The following TTBK2 variants were observed in gnomAD, a reference collection of about 807,000 sequenced individuals.
TTBK2 encodes the protein tau tubulin kinase 2, also known as tau-tubulin kinase 2.
TTBK2 carries 28 observed loss-of-function variants against 110.8 expected under a neutral mutation model. The ratio of observed to expected loss-of-function variants is 0.25; its 90% CI spans 0.19 to 0.35. The LOEUF is 0.35. TTBK2 is among the 10% of genes least tolerant of loss of function. TTBK2 has a pLI of 1.00. For missense variants in TTBK2, 1,369 were observed against 1,500.3 expected (o/e 0.91, Z 1.45); for synonymous variants, 532 against 527.3 (o/e 1.01, Z -0.12).
chr15:42,832,560 T>C (rs1892803215), intron 4 of TTBK2, among the ~76,000 whole-genome samples: 1 of 152,182 alleles, frequency 6.6e-6, no homozygotes, highest in Non-Finnish European at 1.5e-5. Flanking sequence ...CAATAGTCCA[T>C]GGTTATACAT....
chr15:42,874,219 C>T (rs1404950263), intron 2 of TTBK2, among the ~76,000 whole-genome samples: 2 of 152,084 alleles, frequency 1.3e-5, no homozygotes, highest in Admixed American at 6.6e-5. Context: ...TCCTTGTGTC[C>T]CCCATAGCAT....
At chr15:42,782,906 T>C (rs189320828) in intron 11 of TTBK2, among the ~76,000 whole-genome samples, 141 of 152,146 alleles carry the variant, frequency 9.3e-4, no homozygotes, top group African/African-American at 3.3e-3. Context: ...ATAAGAACAG[T>C]TTGTTCCTGG....
rs1030051672 is a variant in TTBK2 at position 42,742,157 on chromosome 15, A to G, written c.*3638T>C. ...CTGAATTAGCAGCTGAGGTTTTAGTATTTGAAAGCAAATAATATAAAGCGA... is the reference window on the plus strand; with the variant it reads ...CTGAATTAGCAGCTGAGGTTTTAGTGTTTGAAAGCAAATAATATAAAGCGA... On this transcript the variant is annotated 3_prime_UTR_variant, in exon 15 of 15. Transcript: ENST00000267890. 1.3e-5 allele frequency: 2 copies of G among 152,274 alleles called. No individual in the cohort carries two copies. Among genetic ancestry groups the G allele is most frequent in the African/African-American group, 4.8e-5 (2 of 41,474 alleles). The allele number at this position is 152,274 out of a possible 1,614,324, so 9.4% of individuals were successfully genotyped here.
At position 42,851,156 on chromosome 15, in the gene TTBK2, G is replaced by A. The variant is rs530925943; in HGVS notation, c.218-10723C>T. Among the ~76,000 whole-genome samples, 6 of 151,874 alleles carry A rather than the reference G, an allele frequency of 4.0e-5. No individual in the cohort carries two copies. In the South Asian group the frequency reaches 6.2e-4, roughly 16 times the overall value. ...CCAGCTACTTGGGAGGCTGAGGCAG[G>A]AGAATGGCATGAACCCGGGAGGCGG... On this transcript the variant is annotated intron_variant, in intron 3 of 14. Transcript: ENST00000267890.
chr15:42,904,223 A>AT (rs2030239275), intron 1 of TTBK2, among the ~76,000 whole-genome samples: 1 of 152,212 alleles, frequency 6.6e-6, no homozygotes, highest in Non-Finnish European at 1.5e-5. Context: ...GTTTTGAATA[A>AT]TTTGTTATGC....
chr15:42,878,520 C>CACACACACACTCTCTGAGATGT, intron 2 of TTBK2, 29 bp downstream of exon 2: 1 of 1,610,968 alleles, frequency 6.2e-7, no homozygotes, highest in Non-Finnish European at 8.5e-7. Flanking sequence ...CACACACACA[C>CACACACACACTCTCTGAGATGT]ACACACACTC....
chr15:42,759,275 C>A (rs1056989341), intron 13 of TTBK2, among the ~76,000 whole-genome samples: 2 of 152,258 alleles, frequency 1.3e-5, no homozygotes, highest in African/African-American at 2.4e-5. Flanking sequence ...TTCCAAACCC[C>A]TGAGGAGCTG....
In TTBK2 at chr15:42,810,597, C is replaced by G; in HGVS notation, c.822+17G>C. The G allele has an allele frequency of 1.2e-6, 2 of 1,613,356 alleles. No individual in the cohort carries two copies. The highest frequency in any genetic ancestry group is 1.7e-6 in the Non-Finnish European group (2 of 1,179,646). ...GAGAGAAAATAACTAACCCACAGAA[C>G]TCACAAAGATGGTTACCTGGTAGTC... On this transcript the variant is annotated intron_variant, in intron 9 of 14. Transcript: ENST00000267890.
chr15:42,804,424 A>G lies in TTBK2; in HGVS notation c.822+6190T>C, dbSNP rs550975753. ...CCATTGCACTCCAGCCTGGGTGACA[A>G]GAGCAAAACTCCATCTCAAAAAAAA... is the stretch of plus-strand genomic sequence containing the variant. On this transcript the variant is annotated intron_variant, in intron 9 of 14. Transcript: ENST00000267890. 6.0e-4 allele frequency among the ~76,000 whole-genome samples: 91 copies of G among 151,592 alleles called. No individual in the cohort carries two copies. In the South Asian group the frequency reaches 0.019, roughly 31 times the overall value.
In TTBK2 at chr15:42,801,775, G is replaced by A. The variant is rs748781848; in HGVS notation, c.823-6974C>T. The stretch of plus-strand genomic sequence containing the variant: ...GATCTTGGCAGTCAGCTCTTTCAGG[G>A]AAGACTCCAGCTCCATCTTGTTCAT... On this transcript the variant is annotated intron_variant, in intron 9 of 14. Coordinates refer to ENST00000267890, the MANE Select transcript of TTBK2 (RefSeq NM_173500.4). The A allele has an allele frequency of 8.6e-6, 7 of 817,672 alleles. No individual in the cohort carries two copies. The Admixed American group carries it at 1.2e-4, about 14-fold the overall frequency. The allele number at this position is 817,672 out of a possible 1,614,324, so 50.7% of individuals were successfully genotyped here.
rs778827490 is a variant in TTBK2, at chr15:42,778,004, TATTA to T, written c.1198-766_1198-763del. Among the ~76,000 whole-genome samples the T allele has an allele frequency of 7.7e-4, 117 of 151,356 alleles. 1 individual carries two copies. The highest frequency in any genetic ancestry group is 1.1e-3 in the Admixed American group (17 of 15,196). ...TTAGGTCTCCAGAACTCCCATCAAT[TATTA>T]ATTAATTAGCCAAAAAAAAAAAGAG... On this transcript the variant is annotated intron_variant, in intron 11 of 14. Transcript: ENST00000267890.
chr15:42,798,338 G>A, intron 9 of TTBK2: 1 of 455,956 alleles, frequency 2.2e-6, no homozygotes. Flanking sequence ...CCTCTAAAAG[G>A]CATGTCCCAT....
chr15:42,775,524 C>G lies in TTBK2; in HGVS notation c.1609G>C (p.Ala537Pro). The G allele has an allele frequency of 6.2e-7, 1 of 1,614,190 alleles. No homozygotes were observed. The highest frequency in any genetic ancestry group is 1.6e-4 in the Middle Eastern group (1 of 6,062). ...TGCTTGCAAGAGCTCAGGTTAACAG[C>G]TATAAATCCATTGCTGCCACCACCA... is the stretch of plus-strand genomic sequence containing the variant. Reference protein sequence around the residue: ...ADGGGSNGFIAVNLSSCKQEI... With the variant: ...ADGGGSNGFIPVNLSSCKQEI... Residue 537 changes from alanine to proline, a missense_variant, in exon 13 of 15, where the codon GCT becomes CCT. By Grantham distance (27) the Ala-to-Pro change is conservative. Coordinates refer to ENST00000267890, the MANE Select transcript of TTBK2 (RefSeq NM_173500.4).
chr15:42,851,963 T>C (rs1893734724), intron 3 of TTBK2, among the ~76,000 whole-genome samples: 2 of 152,130 alleles, frequency 1.3e-5, no homozygotes, highest in African/African-American at 4.8e-5. Flanking sequence ...TGAATGATAC[T>C]AAAACAAGAT....
intron 1 of TTBK2, among the ~76,000 whole-genome samples, chr15:42,885,222 G>A (rs962899164): frequency 2.6e-5 from 4 of 152,108 alleles, no homozygotes; most frequent in Admixed American, 6.5e-5. Flanking sequence ...GGACTCCTTC[G>A]GGAGACCAGT....
chr15:42,792,519 T>A (rs1202957110), intron 10 of TTBK2, among the ~76,000 whole-genome samples: 1 of 152,214 alleles, frequency 6.6e-6, no homozygotes, highest in Non-Finnish European at 1.5e-5. Context: ...ATCAGGACAC[T>A]TTTTAGTATT....
intron 4 of TTBK2, among the ~76,000 whole-genome samples, chr15:42,832,377 A>G (rs953626474): frequency 6.6e-6 from 1 of 152,262 alleles, no homozygotes; most frequent in African/African-American, 2.4e-5. Context: ...ATTTTAAAAT[A>G]TAAGCCTAAC....
chr15:42,874,518 T>G (rs1011885571), intron 2 of TTBK2, among the ~76,000 whole-genome samples: 2 of 151,528 alleles, frequency 1.3e-5, no homozygotes, highest in African/African-American at 2.4e-5. Flanking sequence ...GGTCTCACCA[T>G]GTTGGCCAGG....
intron 9 of TTBK2, among the ~76,000 whole-genome samples, chr15:42,803,881 G>T (rs1022727072): frequency 6.6e-6 from 1 of 151,324 alleles, no homozygotes; most frequent in Non-Finnish European, 1.5e-5. Flanking sequence ...ATAAAAATTA[G>T]CCAGATGTGG....
Sources: gnomAD v4.1 joint callset for allele counts (sites outside exome capture counted in the v4.1 genomes callset) on GRCh38, gnomAD v4.1.1 for gene constraint, MANE v1.5 for transcripts, NCBI Gene and HGNC (gene_info 2026-07-23, HGNC 2026-07-21) for gene names.